Variants in MMD observed in about 807,000 individuals in gnomAD.
MMD encodes the protein monocyte to macrophage differentiation factor.
MMD carries 22 observed loss-of-function variants against 33.6 expected under a neutral mutation model. That is an observed-to-expected ratio of 0.66 (90% CI 0.47 to 0.94). The LOEUF (loss-of-function observed/expected upper bound fraction) is 0.94, where lower values mean the gene tolerates loss of function less well. MMD is among the 40% of genes least tolerant of loss of function. The pLI is 0.00. For synonymous variants in MMD, 97 were observed against 103.2 expected, an observed-to-expected ratio of 0.94 and a Z score of 0.36; for missense variants, 242 against 309.8, an observed-to-expected ratio of 0.78 and a Z score of 1.64.
intron 3 of MMD, among the ~76,000 whole-genome samples, chr17:55,409,891 G>A (rs1336832299): frequency 6.6e-6 from 1 of 152,158 alleles, no homozygotes; most frequent in Non-Finnish European, 1.5e-5. Context: ...GCCTCTGGGC[G>A]CTGCGACAGT....
intron 6 of MMD, among the ~76,000 whole-genome samples, chr17:55,397,340 T>G (rs1907139988): frequency 6.6e-6 from 1 of 151,940 alleles, no homozygotes; most frequent in Admixed American, 6.6e-5. Flanking sequence ...TTTTGTATTT[T>G]TAGTAGAGAC....
Position 55,421,717 on chromosome 17 carries a change from G to T in MMD, c.-22C>A, listed in dbSNP as rs1190494255. 6.3e-7 allele frequency: 1 copy of T among 1,585,080 alleles called. No individual in the cohort carries two copies. The highest frequency in any genetic ancestry group is 8.6e-7 in the Non-Finnish European group (1 of 1,166,724). ...GCATTGATCCTCTGCTCCTCCTCGG[G>T]GGCCAGGAGCTCCGTCTCGTCAGCA... On this transcript the variant is annotated 5_prime_UTR_variant, in exon 1 of 7. Coordinates refer to ENST00000262065, the MANE Select transcript of MMD (RefSeq NM_012329.3).
rs528718813 is a variant in MMD at position 55,408,023 on chromosome 17, C to T, written c.270-203G>A. On this transcript the variant is annotated intron_variant, in intron 3 of 6. Transcript: ENST00000262065. ...GCTTTCTGTTATTTTTTAGGTTGCA[C>T]ATACAATAGATTCTCTCAGCATATA... 2.0e-4 allele frequency among the ~76,000 whole-genome samples: 30 copies of T among 152,302 alleles called. No individual in the cohort carries two copies. The South Asian group carries it at 6.2e-3, about 32-fold the overall frequency.
At chr17:55,402,959 G>T (rs937144458) in intron 5 of MMD, among the ~76,000 whole-genome samples, 2 of 152,168 alleles carry the variant, frequency 1.3e-5, no homozygotes, top group African/African-American at 4.8e-5. Context: ...GAGCCATTCT[G>T]CCAAGCACAA....
chr17:55,407,339 T>TAAATA (rs987162125), intron 4 of MMD, among the ~76,000 whole-genome samples: 2 of 138,466 alleles, frequency 1.4e-5, no homozygotes, highest in Non-Finnish European at 3.3e-5. Flanking sequence ...AATAAATAAA[T>TAAATA]AAATAAATAA....
chr17:55,414,021 G>T, intron 2 of MMD, 130 bp downstream of exon 2: 1 of 843,608 alleles, frequency 1.2e-6, no homozygotes, highest in Non-Finnish European at 2.0e-6. Context: ...ACCCAGAACT[G>T]ATTTCCTGGT....
intron 6 of MMD, among the ~76,000 whole-genome samples, chr17:55,395,793 T>C (rs1209146466): frequency 3.3e-5 from 5 of 152,192 alleles, no homozygotes; most frequent in African/African-American, 4.8e-5. Flanking sequence ...ATACCACACG[T>C]TATTAATTCC....
chr17:55,402,296 AG>A (rs995265934), intron 5 of MMD, among the ~76,000 whole-genome samples: 3 of 152,136 alleles, frequency 2.0e-5, no homozygotes, highest in African/African-American at 4.8e-5. Context: ...AAAAAGGAAC[AG>A]CAAGCCCTAA....
chr17:55,394,410 G>A lies in MMD; in HGVS notation c.641C>T (p.Thr214Met), dbSNP rs1907025341. The A allele has an allele frequency of 3.3e-6, 5 of 1,505,784 alleles. No homozygotes were observed. Among genetic ancestry groups the A allele is most frequent in the Non-Finnish European group, 3.5e-6 (4 of 1,132,456 alleles). 93.3% of individuals were successfully genotyped at this position (1,505,784 alleles called of 1,614,324 possible). ...AHAIWHLFVA[T>M]AAAVHYYAIW... ...GGCGTAGTAATGCACTGCAGCTGCC[G>A]TGGCCACAAACAGGTGCCAGATGGC... Residue 214 changes from threonine to methionine, a missense_variant, in exon 7 of 7, where the codon ACG (threonine) becomes ATG (methionine). Transcript: ENST00000262065.
intron 1 of MMD, 125 bp downstream of exon 1, chr17:55,421,545 T>C: frequency 7.3e-7 from 1 of 1,369,182 alleles, no homozygotes; most frequent in Non-Finnish European, 1.0e-6. Context: ...AACTGATCCC[T>C]GGCCAAGGTG....
chr17:55,405,379 G>GAAAAAAAA (rs10554664), intron 4 of MMD, among the ~76,000 whole-genome samples: 3 of 114,928 alleles, frequency 2.6e-5, no homozygotes, highest in African/African-American at 4.0e-5. Flanking sequence ...CCGTCTCAAA[G>GAAAAAAAA]AAAAAAAAAA....
rs954493714 is a variant in MMD, at chr17:55,414,193, C to T, written c.66G>A (p.Lys22=). The T allele has an allele frequency of 1.9e-6, 3 of 1,613,862 alleles. No individual in the cohort carries two copies. Among genetic ancestry groups the T allele is most frequent in the African/African-American group, 2.7e-5 (2 of 75,014 alleles). The stretch of plus-strand genomic sequence containing the variant: ...TAGCAGCATGTTCATAGCAAGTTGG[C>T]TTGTAGCGGCCATTGGCTGGAGCTC... ...NHRAPANGRY[K]PTCYEHAANC... Residue 22 remains lysine, a synonymous_variant, in exon 2 of 7, where the codon AAG becomes AAA. Coordinates refer to ENST00000262065, the MANE Select transcript of MMD (RefSeq NM_012329.3).
intron 6 of MMD, among the ~76,000 whole-genome samples, chr17:55,397,391 C>T (rs140512487): frequency 0.029 from 4,410 of 152,204 alleles, 94 homozygotes; most frequent in Non-Finnish European, 0.039. Context: ...GAACTCCTGA[C>T]CTCAAGTGAT....
At chr17:55,406,123 G>A (rs901973754) in intron 4 of MMD, among the ~76,000 whole-genome samples, 2 of 138,950 alleles carry the variant, frequency 1.4e-5, no homozygotes, top group Admixed American at 6.8e-5. Flanking sequence ...GGCTGGGTGC[G>A]GTGGCTCACG....
At chr17:55,409,885 C>A (rs1247513946) in intron 3 of MMD, among the ~76,000 whole-genome samples, 1 of 152,170 alleles carries the variant, frequency 6.6e-6, no homozygotes, top group Non-Finnish European at 1.5e-5. Context: ...AAACTGGCCT[C>A]TGGGCGCTGC....
chr17:55,409,163 T>G (rs2143144128), intron 3 of MMD, among the ~76,000 whole-genome samples: 1 of 152,346 alleles, frequency 6.6e-6, no homozygotes. Flanking sequence ...TAGATGATAC[T>G]TTATGCCATA....
At chr17:55,401,445 TA>T (rs1907324458) in intron 6 of MMD, 23 bp downstream of exon 6, 2 of 1,570,384 alleles carry the variant, frequency 1.3e-6, no homozygotes, top group African/African-American at 1.4e-5. Flanking sequence ...AGAAAATAAC[TA>T]AAATTCTGAA....
At chr17:55,402,688 A>C (rs193094569) in intron 5 of MMD, among the ~76,000 whole-genome samples, 1 of 152,340 alleles carries the variant, frequency 6.6e-6, no homozygotes. Context: ...CGGGAAAAGG[A>C]GAAAAGATAG....
intron 3 of MMD, among the ~76,000 whole-genome samples, chr17:55,410,764 C>T (rs1907729140): frequency 6.6e-6 from 1 of 152,152 alleles, no homozygotes; most frequent in African/African-American, 2.4e-5. Context: ...TCTCATTCAC[C>T]TATCACACTG....
Sources: gnomAD v4.1 joint callset for allele counts (sites outside exome capture counted in the v4.1 genomes callset) on GRCh38, gnomAD v4.1.1 for gene constraint, MANE v1.5 for transcripts, NCBI Gene and HGNC (gene_info 2026-07-23, HGNC 2026-07-21) for gene names.